Variants in KIRREL1 observed in about 807,000 individuals in gnomAD.
KIRREL1 encodes kin of IRRE-like protein 1.
In KIRREL1, 25 loss-of-function variants were observed where a neutral mutation model predicts 83.3. The observed-to-expected ratio is 0.30, with a 90% CI of 0.22 to 0.42. The LOEUF is 0.42. Among genes scored for constraint, KIRREL1 ranks in the 10% least tolerant of loss-of-function variants. The probability of loss-of-function intolerance (pLI) is 1.00; values close to 1 mark genes in which losing one functional copy is unlikely to be tolerated. For missense variants in KIRREL1, 812 were observed against 1,032.3 expected (o/e 0.79, Z 2.92); for synonymous variants, 388 against 410.4 (o/e 0.95, Z 0.66).
At chr1:158,091,690 A>T (rs1043781143) in intron 11 of KIRREL1, 134 bp downstream of exon 11, 7 of 817,230 alleles carry the variant, frequency 8.6e-6, no homozygotes, top group Non-Finnish European at 1.4e-5. Flanking sequence ...ACACAGAGGG[A>T]TGTCCTGGCT....
At chr1:158,044,699 A>G (rs1020673450) in intron 1 of KIRREL1, among the ~76,000 whole-genome samples, 2 of 152,072 alleles carry the variant, frequency 1.3e-5, no homozygotes, top group Non-Finnish European at 2.9e-5. Flanking sequence ...GGGTTTAGCC[A>G]TGTTGGCCAG....
intron 1 of KIRREL1, among the ~76,000 whole-genome samples, chr1:158,072,389 C>A (rs1377469240): frequency 2.0e-5 from 3 of 152,194 alleles, no homozygotes; most frequent in African/African-American, 7.2e-5. Context: ...GCAGGCCCTG[C>A]ACCTGGTGAT....
chr1:158,012,788 A>G (rs1659724545), intron 1 of KIRREL1, among the ~76,000 whole-genome samples: 1 of 152,264 alleles, frequency 6.6e-6, no homozygotes, highest in South Asian at 2.1e-4. Flanking sequence ...ATGGGCACTC[A>G]ACAAATGTGA....
Position 158,043,978 on chromosome 1 carries a change from T to A in KIRREL1, c.53-32135T>A, listed in dbSNP as rs77225807. ...TGTAAAATGGGGTTAATAATAGGTA[T>A]CTTAATGGTAGATGTTGAGGATTCA... On this transcript the variant is annotated intron_variant, in intron 1 of 14. Transcript: ENST00000359209. 3.2e-3 allele frequency among the ~76,000 whole-genome samples: 493 copies of A among 152,346 alleles called. 2 individuals carry two copies. Among genetic ancestry groups the A allele is most frequent in the African/African-American group, 0.011 (475 of 41,570 alleles).
intron 1 of KIRREL1, among the ~76,000 whole-genome samples, chr1:158,068,307 C>T (rs1168372498): frequency 2.6e-5 from 4 of 152,154 alleles, no homozygotes; most frequent in Admixed American, 1.3e-4. Context: ...CTGACATCTA[C>T]GTGTAGTCAT....
chr1:158,049,845 A>T (rs938041115), intron 1 of KIRREL1, among the ~76,000 whole-genome samples: 5 of 151,982 alleles, frequency 3.3e-5, no homozygotes, highest in Admixed American at 3.3e-4. Flanking sequence ...GAGGGTAGGG[A>T]GGTAGTGGGG....
intron 4 of KIRREL1, among the ~76,000 whole-genome samples, 173 bp from the exon 5 acceptor site, chr1:158,086,423 A>AACACACACACAC (rs61585802): frequency 1.3e-5 from 2 of 148,294 alleles, no homozygotes; most frequent in Non-Finnish European, 3.0e-5. Flanking sequence ...CTATTGATTA[A>AACACACACACAC]ACACACACAC....
chr1:158,096,459 G>A lies in KIRREL1; in HGVS notation c.*1339G>A. ...TTGGATGACCGACCCTATGTGGGCG[G>A]TTGTGTGGGGAGTGGGTACTTGTGA... On this transcript the variant is annotated 3_prime_UTR_variant, in exon 15 of 15. Coordinates refer to ENST00000359209, the MANE Select transcript of KIRREL1 (RefSeq NM_018240.7). 1 of 395,550 alleles carries A rather than the reference G, an allele frequency of 2.5e-6. No individual in the cohort carries two copies. Among genetic ancestry groups the A allele is most frequent in the East Asian group, 7.3e-5 (1 of 13,750 alleles). 24.5% of individuals were successfully genotyped at this position (395,550 alleles called of 1,614,324 possible). A position where few individuals can be genotyped will look rare whatever the true frequency, so the allele number is the denominator to read the frequency against.
At chr1:158,086,817 T>A in intron 5 of KIRREL1, 71 bp downstream of exon 5, 1 of 1,393,296 alleles carries the variant, frequency 7.2e-7, no homozygotes, top group Non-Finnish European at 9.9e-7. Flanking sequence ...AGCACACTCT[T>A]AGTTTGAGAA....
chr1:158,014,952 T>C (rs1659786970), intron 1 of KIRREL1, among the ~76,000 whole-genome samples: 1 of 152,144 alleles, frequency 6.6e-6, no homozygotes, highest in African/African-American at 2.4e-5. Context: ...TAATTCCTCT[T>C]TGAATGCTTC....
intron 1 of KIRREL1, among the ~76,000 whole-genome samples, chr1:158,003,485 C>A (rs774273641): frequency 7.9e-5 from 12 of 152,184 alleles, no homozygotes; most frequent in Non-Finnish European, 1.5e-4. Flanking sequence ...CCACTCCCCA[C>A]TCTCCCTGGA....
chr1:158,029,020 G>A (rs4971182), intron 1 of KIRREL1, among the ~76,000 whole-genome samples: 125,747 of 152,158 alleles, frequency 0.83, 53,064 homozygotes, highest in Non-Finnish European at 0.91. Flanking sequence ...ACATAATTGC[G>A]TCTGGCTCAG....
chr1:158,005,808 C>G (rs1305557575), intron 1 of KIRREL1, among the ~76,000 whole-genome samples: 1 of 152,150 alleles, frequency 6.6e-6, no homozygotes, highest in Non-Finnish European at 1.5e-5. Context: ...GTTCAACCCA[C>G]ATGATGAGCG....
intron 1 of KIRREL1, among the ~76,000 whole-genome samples, chr1:158,027,983 C>T (rs560781656): frequency 3.9e-5 from 6 of 152,116 alleles, no homozygotes; most frequent in African/African-American, 9.7e-5. Context: ...AAAAGACCCA[C>T]GCTCCCACCT....
chr1:158,035,276 C>T lies in KIRREL1; in HGVS notation c.53-40837C>T, dbSNP rs138600519. ...CCCTTGGGACTAGGGCCCCAGGCAG[C>T]GAGTGTAGTAGAGAAGTGAGGTCCA... is the stretch of plus-strand genomic sequence containing the variant. On this transcript the variant is annotated intron_variant, in intron 1 of 14. Transcript: ENST00000359209. 4.9e-3 allele frequency among the ~76,000 whole-genome samples: 748 copies of T among 152,232 alleles called. 8 individuals are homozygous for T. The highest frequency in any genetic ancestry group is 0.017 in the African/African-American group (707 of 41,512).
chr1:158,052,710 C>T (rs1244436352), intron 1 of KIRREL1, among the ~76,000 whole-genome samples: 9 of 151,982 alleles, frequency 5.9e-5, no homozygotes, highest in Admixed American at 5.2e-4. Flanking sequence ...GGCATGAACC[C>T]GGGAGGCTGA....
intron 1 of KIRREL1, among the ~76,000 whole-genome samples, chr1:158,022,976 G>A (rs1571543941): frequency 6.6e-6 from 1 of 152,320 alleles, no homozygotes; most frequent in East Asian, 1.9e-4. Flanking sequence ...GTGATGTGAG[G>A]GTCCACGGGT....
chr1:158,083,017 GAT>G (rs1355795253), intron 3 of KIRREL1, among the ~76,000 whole-genome samples: 4 of 152,104 alleles, frequency 2.6e-5, no homozygotes, highest in African/African-American at 9.7e-5. Flanking sequence ...GAGCACCTGT[GAT>G]CACCCAAGCC....
At chr1:158,010,384 C>T (rs1184598975) in intron 1 of KIRREL1, among the ~76,000 whole-genome samples, 3 of 133,500 alleles carry the variant, frequency 2.2e-5, no homozygotes, top group African/African-American at 8.7e-5. Context: ...CTGAGAATGT[C>T]ACACACATGC....
Sources: gnomAD v4.1 joint callset for allele counts (sites outside exome capture counted in the v4.1 genomes callset) on GRCh38, gnomAD v4.1.1 for gene constraint, MANE v1.5 for transcripts, NCBI Gene and HGNC (gene_info 2026-07-23, HGNC 2026-07-21) for gene names.